The following SPG11 variants were observed in gnomAD, a reference collection of about 807,000 sequenced individuals.
SPG11 encodes the protein spatacsin.
Under a neutral mutation model 274.0 loss-of-function variants are expected in SPG11, and 222 were observed. The ratio of observed to expected loss-of-function variants is 0.81; its 90% CI spans 0.73 to 0.91. The LOEUF is 0.91. SPG11 is among the 40% of genes least tolerant of loss of function. SPG11 has a pLI of 0.00. For missense variants in SPG11, 3,114 were observed against 2,872.7 expected (o/e 1.08, Z -1.92); for synonymous variants, 1,144 against 1,039.7 (o/e 1.10, Z -1.93).
rs1454997511 is a variant in SPG11, at chr15:44,573,790, G to A, written c.6007-45C>T. 1.9e-6 allele frequency: 3 copies of A among 1,600,734 alleles called. No individual in the cohort carries two copies. In the Admixed American group the frequency reaches 5.0e-5, roughly 27 times the overall value. On this transcript the variant is annotated intron_variant, in intron 31 of 39. Transcript: ENST00000261866. ...AGTCAAGGCCACTTTTAGAAGCCAG[G>A]AAAAAGCAAAAGAGCCCTTTCTGAA...
In SPG11 at chr15:44,564,585, C is replaced by A. The variant is rs766295723; in HGVS notation, c.7113G>T (p.Arg2371Ser). ...FNYLEEFKQQ[R>S]LLKSSIFEEI... ...CTTCAAATATACTGGACTTTAATAA[C>A]CTTTGCTGCTTAAATTCTTCCAAGT... is the stretch of plus-strand genomic sequence containing the variant. Residue 2371 changes from arginine to serine, a missense_variant, in exon 39 of 40, where the codon AGG (arginine) becomes AGT (serine). Coordinates refer to ENST00000261866, the MANE Select transcript of SPG11 (RefSeq NM_025137.4). The A allele has an allele frequency of 6.2e-7, 1 of 1,613,890 alleles. No individual in the cohort carries two copies. Among genetic ancestry groups the A allele is most frequent in the Non-Finnish European group, 8.5e-7 (1 of 1,179,922 alleles).
chr15:44,566,328 T>C, intron 36 of SPG11, 23 bp from the exon 37 acceptor site: 1 of 1,606,676 alleles, frequency 6.2e-7, no homozygotes, highest in Non-Finnish European at 8.5e-7. Flanking sequence ...TAAAGAAGAT[T>C]TGCCGAGTCT....
intron 31 of SPG11, 171 bp from the exon 32 acceptor site, chr15:44,573,916 C>G: frequency 1.5e-6 from 1 of 651,776 alleles, no homozygotes; most frequent in Non-Finnish European, 2.7e-6. Context: ...CCCTTTCTAT[C>G]ATTTCACCAA....
chr15:44,607,878 A>G (rs1030280520), intron 19 of SPG11, among the ~76,000 whole-genome samples: 2 of 152,242 alleles, frequency 1.3e-5, no homozygotes, highest in Non-Finnish European at 2.9e-5. Flanking sequence ...GTTAGAAGTT[A>G]AAAGTGGCAG....
chr15:44,641,922 G>GAA (rs71111874), intron 7 of SPG11, among the ~76,000 whole-genome samples: 1,388 of 55,778 alleles, frequency 0.025, 37 homozygotes, highest in East Asian at 0.11. Context: ...CTGCTTAACA[G>GAA]AAAAAAAAAA....
At chr15:44,593,627 A>T (rs1252708930) in intron 26 of SPG11, among the ~76,000 whole-genome samples, 1 of 152,206 alleles carries the variant, frequency 6.6e-6, no homozygotes, top group Non-Finnish European at 1.5e-5. Flanking sequence ...TCTGAATTAG[A>T]AAGTATGGCT....
chr15:44,630,853 T>G (rs116654021), intron 8 of SPG11, among the ~76,000 whole-genome samples: 7,154 of 152,180 alleles, frequency 0.047, 432 homozygotes, highest in African/African-American at 0.13. Context: ...GCTGGGATCA[T>G]AGGCGTGAGA....
At chr15:44,628,586 A>G in intron 10 of SPG11, 83 bp downstream of exon 10, 1 of 1,250,424 alleles carries the variant, frequency 8.0e-7, no homozygotes, top group Non-Finnish European at 1.2e-6. Context: ...AAGTATATAG[A>G]GTCTGAATTC....
At chr15:44,641,057 T>C (rs2084425767) in intron 7 of SPG11, among the ~76,000 whole-genome samples, 1 of 152,112 alleles carries the variant, frequency 6.6e-6, no homozygotes, top group African/African-American at 2.4e-5. Flanking sequence ...CTCAGACAAA[T>C]GGTTATCGGT....
chr15:44,586,541 G>C (rs1172859259), intron 28 of SPG11, among the ~76,000 whole-genome samples: 2 of 152,144 alleles, frequency 1.3e-5, no homozygotes, highest in African/African-American at 4.8e-5. Flanking sequence ...CTACTCGAGA[G>C]GCTGAGGCAG....
At chr15:44,569,173 AAAAAAG>A (rs1195490469) in intron 35 of SPG11, among the ~76,000 whole-genome samples, 8 of 151,582 alleles carry the variant, frequency 5.3e-5, no homozygotes, top group Non-Finnish European at 8.8e-5. Flanking sequence ...TCAAAAAAAA[AAAAAAG>A]AAAAAGAAAA....
intron 15 of SPG11, among the ~76,000 whole-genome samples, chr15:44,619,168 C>T (rs542489169): frequency 3.4e-4 from 52 of 152,278 alleles, no homozygotes; most frequent in African/African-American, 1.2e-3. Context: ...GGGCAAAGCA[C>T]TTAACGTCCC....
chr15:44,572,695 C>T lies in SPG11; in HGVS notation c.6331G>A (p.Glu2111Lys). 1 of 1,614,112 alleles carries T rather than the reference C, an allele frequency of 6.2e-7. No individual in the cohort carries two copies. The highest frequency in any genetic ancestry group is 8.5e-7 in the Non-Finnish European group (1 of 1,180,002). Residue 2111 changes from glutamate to lysine, a missense_variant, in exon 33 of 40, where the codon GAA becomes AAA. By Grantham distance (56) the Glu-to-Lys change is moderately conservative. Coordinates refer to ENST00000261866, the MANE Select transcript of SPG11 (RefSeq NM_025137.4). ...LDKISSVPHG[E>K]LSCTTELLIL... is the part of the protein sequence containing the mutation. The stretch of plus-strand genomic sequence containing the variant: ...GTCAATAACTTACTGCAAGACAGTT[C>T]CCCATGGGGAACGGAGGAAATCTTA...
chr15:44,639,166 G>A (rs567876387), intron 7 of SPG11, among the ~76,000 whole-genome samples: 24 of 151,648 alleles, frequency 1.6e-4, no homozygotes, highest in African/African-American at 5.8e-4. Flanking sequence ...TACAGAATAG[G>A]CATTCAATAA....
At chr15:44,565,037 T>G (rs1004754554) in intron 38 of SPG11, among the ~76,000 whole-genome samples, 25 of 152,206 alleles carry the variant, frequency 1.6e-4, no homozygotes, top group African/African-American at 5.8e-4. Flanking sequence ...ATGCCTAGCT[T>G]CTTTCAGTGT....
rs531429199 is a variant in SPG11, at chr15:44,571,778, T to C, written c.6343+905A>G. Among the ~76,000 whole-genome samples, 13 of 152,138 alleles carry C rather than the reference T, an allele frequency of 8.5e-5. No individual in the cohort carries two copies. In the East Asian group the frequency reaches 2.1e-3, roughly 25 times the overall value. ...TCCCAAAGTGCTGGGATTACAGGCT[T>C]GAGCCACTGCGCCTGGCCTTAAATT... is the stretch of plus-strand genomic sequence containing the variant. On this transcript the variant is annotated intron_variant, in intron 33 of 39. Transcript: ENST00000261866.
chr15:44,643,126 C>G (rs1253546532), intron 7 of SPG11, among the ~76,000 whole-genome samples: 1 of 152,284 alleles, frequency 6.6e-6, no homozygotes, highest in East Asian at 1.9e-4. Flanking sequence ...ATTAAATTCA[C>G]ACAGAGACAT....
At chr15:44,577,449 G>A (rs976999650) in intron 30 of SPG11, among the ~76,000 whole-genome samples, 4 of 143,568 alleles carry the variant, frequency 2.8e-5, no homozygotes, top group African/African-American at 7.7e-5. Flanking sequence ...TCTGCAGTGA[G>A]CCATGTTTGC....
chr15:44,595,543 G>A, intron 25 of SPG11, 84 bp from the exon 26 acceptor site: 1 of 1,412,692 alleles, frequency 7.1e-7, no homozygotes, highest in East Asian at 2.4e-5. Context: ...TTCCTGTTTA[G>A]AATAAGTCAC....
Sources: gnomAD v4.1 joint callset for allele counts (sites outside exome capture counted in the v4.1 genomes callset) on GRCh38, gnomAD v4.1.1 for gene constraint, MANE v1.5 for transcripts, NCBI Gene and HGNC (gene_info 2026-07-23, HGNC 2026-07-21) for gene names.